KDM4C: variants seen among roughly 807,000 people sequenced by gnomAD.
KDM4C encodes lysine demethylase 4C.
In KDM4C, 81 loss-of-function variants were observed where a neutral mutation model predicts 129.3. That is an observed-to-expected ratio of 0.63 (90% CI 0.52 to 0.75). KDM4C has a LOEUF of 0.75. Among genes scored for constraint, KDM4C ranks in the 30% least tolerant of loss-of-function variants. The probability of loss-of-function intolerance (pLI) is 0.00; values close to 1 mark genes in which losing one functional copy is unlikely to be tolerated. For synonymous variants in KDM4C, 573 were observed against 456.1 expected (o/e 1.26, Z -3.26); for missense variants, 1,457 against 1,304.0 (o/e 1.12, Z -1.81).
chr9:7,165,006 G>GT (rs1844226973), intron 19 of KDM4C, among the ~76,000 whole-genome samples: 1 of 152,072 alleles, frequency 6.6e-6, no homozygotes, highest in African/African-American at 2.4e-5. Context: ...AAATGCTGCT[G>GT]TTTTTTTCTG....
At chr9:6,823,861 C>A (rs558487239) in intron 4 of KDM4C, among the ~76,000 whole-genome samples, 1 of 152,220 alleles carries the variant, frequency 6.6e-6, no homozygotes, top group African/African-American at 2.4e-5. Context: ...TCCAACTCTT[C>A]GTAGGCTTCT....
At chr9:6,792,404 C>T (rs1588295194) in intron 1 of KDM4C, among the ~76,000 whole-genome samples, 2 of 152,028 alleles carry the variant, frequency 1.3e-5, no homozygotes, top group East Asian at 3.9e-4. Flanking sequence ...TACTCTGTCG[C>T]TCAGACCAGA....
At chr9:6,721,704 T>C (rs943768759) in intron 1 of KDM4C, among the ~76,000 whole-genome samples, 3 of 151,568 alleles carry the variant, frequency 2.0e-5, no homozygotes, top group Non-Finnish European at 4.4e-5. Context: ...TTCTCCTGCC[T>C]CAGCCTCCTG....
At chr9:6,930,574 A>G (rs969283543) in intron 8 of KDM4C, among the ~76,000 whole-genome samples, 2 of 148,308 alleles carry the variant, frequency 1.3e-5, no homozygotes, top group African/African-American at 4.9e-5. Flanking sequence ...TATGTTATCT[A>G]TAACATGTTA....
intron 15 of KDM4C, among the ~76,000 whole-genome samples, chr9:7,020,674 G>A (rs953573408): frequency 6.6e-6 from 1 of 151,588 alleles, no homozygotes; most frequent in Non-Finnish European, 1.5e-5. Flanking sequence ...ATTTTTATTT[G>A]TAATTTTTTT....
chr9:7,005,085 G>A (rs1054006401), intron 12 of KDM4C, among the ~76,000 whole-genome samples: 1 of 152,052 alleles, frequency 6.6e-6, no homozygotes, highest in Non-Finnish European at 1.5e-5. Context: ...TGACATTGTG[G>A]GCTTCCTGAG....
intron 8 of KDM4C, chr9:6,902,764 C>CA (rs1446726893): frequency 1.3e-5 from 2 of 152,216 alleles, no homozygotes; most frequent in African/African-American, 4.8e-5. Context: ...TAAGTGTCAA[C>CA]AGCAGGCTGG....
intron 15 of KDM4C, among the ~76,000 whole-genome samples, chr9:7,037,024 C>T (rs1257488854): frequency 6.6e-6 from 1 of 152,200 alleles, no homozygotes; most frequent in African/African-American, 2.4e-5. Flanking sequence ...CTCATACCAG[C>T]TCTGTCCTTC....
In KDM4C at chr9:6,980,851, T is replaced by A. The variant is rs151028946; in HGVS notation, c.922-74T>A. 7.4e-4 allele frequency: 923 copies of A among 1,241,282 alleles called. 6 individuals are homozygous for A. The African/African-American group carries it at 0.013, about 17-fold the overall frequency. 76.9% of individuals were successfully genotyped at this position (1,241,282 alleles called of 1,614,324 possible). On this transcript the variant is annotated intron_variant, in intron 8 of 21. Transcript: ENST00000381309. Reference sequence around the variant, plus strand: ...AGTGACTAAGTATTCATGGATGATGTGTTCAAGGACCAACTCTGTGTTACT... The same window carrying A: ...AGTGACTAAGTATTCATGGATGATGAGTTCAAGGACCAACTCTGTGTTACT...
chr9:7,003,249 A>G (rs1291121962), intron 12 of KDM4C, among the ~76,000 whole-genome samples: 1 of 152,192 alleles, frequency 6.6e-6, no homozygotes, highest in Non-Finnish European at 1.5e-5. Context: ...ATGTCTGATT[A>G]TAGCCAGATA....
chr9:6,749,567 C>T (rs1818002525), intron 1 of KDM4C, among the ~76,000 whole-genome samples: 1 of 151,942 alleles, frequency 6.6e-6, no homozygotes, highest in Admixed American at 6.6e-5. Context: ...ACTTGGGAGG[C>T]TGTGACGGGA....
chr9:6,911,091 A>G (rs1163617549), intron 8 of KDM4C, among the ~76,000 whole-genome samples: 2 of 152,174 alleles, frequency 1.3e-5, no homozygotes, highest in Non-Finnish European at 2.9e-5. Flanking sequence ...TTCTATAGCA[A>G]CCAGTTATCA....
intron 18 of KDM4C, among the ~76,000 whole-genome samples, chr9:7,119,297 C>A (rs1351925838): frequency 6.6e-6 from 1 of 151,990 alleles, no homozygotes; most frequent in African/African-American, 2.4e-5. Flanking sequence ...ATTAAATATC[C>A]CAGGTGATAA....
chr9:6,996,279 G>A (rs953709142), intron 12 of KDM4C, among the ~76,000 whole-genome samples: 2 of 152,162 alleles, frequency 1.3e-5, no homozygotes, highest in Non-Finnish European at 2.9e-5. Flanking sequence ...TTGAAGTGAC[G>A]TTGGGCTAAT....
intron 8 of KDM4C, chr9:6,978,680 C>T (rs1187910948): frequency 1.4e-5 from 2 of 140,624 alleles, no homozygotes; most frequent in African/African-American, 2.5e-5. Flanking sequence ...TGTCAGTCTT[C>T]TGTGTAGTTC....
intron 17 of KDM4C, among the ~76,000 whole-genome samples, chr9:7,052,060 G>T (rs1830223037): frequency 6.6e-6 from 1 of 152,148 alleles, no homozygotes; most frequent in Non-Finnish European, 1.5e-5. Flanking sequence ...TTCAATATTT[G>T]TCATTTTTAG....
At chr9:6,768,621 C>T (rs1821123450) in intron 1 of KDM4C, among the ~76,000 whole-genome samples, 2 of 151,998 alleles carry the variant, frequency 1.3e-5, no homozygotes, top group Admixed American at 1.3e-4. Context: ...CAAAAGTATC[C>T]AGTCCAGAAT....
At chr9:6,917,788 G>A (rs576766107) in intron 8 of KDM4C, among the ~76,000 whole-genome samples, 4 of 152,070 alleles carry the variant, frequency 2.6e-5, no homozygotes, top group South Asian at 2.1e-4. Flanking sequence ...TATCAGTCCC[G>A]GTGCCCATAC....
Position 6,893,100 on chromosome 9 carries a change from C to G in KDM4C, c.789C>G (p.Thr263=). 6.3e-7 allele frequency: 1 copy of G among 1,576,710 alleles called. No individual in the cohort carries two copies. Among genetic ancestry groups the G allele is most frequent in the East Asian group, 2.3e-5 (1 of 42,726 alleles). The part of the protein sequence containing the change: ...KKYGIPFDKI[T]QEAGEFMITF... The stretch of plus-strand genomic sequence containing the variant: ...ATATGTTTCCTACCTTGCAGATAAC[C>G]CAGGAGGCTGGAGAATTCATGATCA... The change falls in exon 8 of 22, where the codon ACC becomes ACG. Residue 263 remains threonine (T), a synonymous_variant. Transcript: ENST00000381309.
Sources: gnomAD v4.1 joint callset for allele counts (sites outside exome capture counted in the v4.1 genomes callset) on GRCh38, gnomAD v4.1.1 for gene constraint, MANE v1.5 for transcripts, NCBI Gene and HGNC (gene_info 2026-07-23, HGNC 2026-07-21) for gene names.